STAG1: variants seen among roughly 807,000 people sequenced by gnomAD.
STAG1 encodes cohesin subunit SA-1.
In STAG1, 26 loss-of-function variants were observed where a neutral mutation model predicts 170.9. The ratio of observed to expected loss-of-function variants is 0.15; its 90% confidence interval spans 0.11 to 0.21. The LOEUF (loss-of-function observed/expected upper bound fraction) is 0.21, where lower values mean the gene tolerates loss of function less well. Ranked by LOEUF, STAG1 falls within the 10% of genes least tolerant of loss-of-function variation. STAG1 has a pLI of 1.00. For synonymous variants in STAG1, 514 were observed against 497.7 expected (o/e 1.03, Z -0.44); for missense variants, 964 against 1,509.5 (o/e 0.64, Z 5.99).
chr3:136,671,439 G>A (rs913942331), intron 1 of STAG1, among the ~76,000 whole-genome samples: 1 of 151,974 alleles, frequency 6.6e-6, no homozygotes, highest in Non-Finnish European at 1.5e-5. Flanking sequence ...CAAATACAGA[G>A]GAATAGGAAG....
intron 21 of STAG1, among the ~76,000 whole-genome samples, chr3:136,407,431 T>C (rs1488680426): frequency 6.6e-6 from 1 of 152,210 alleles, no homozygotes; most frequent in African/African-American, 2.4e-5. Context: ...ATAATACATT[T>C]CATAATATTT....
At chr3:136,661,612 A>AC (rs1025880751) in intron 1 of STAG1, among the ~76,000 whole-genome samples, 6 of 151,572 alleles carry the variant, frequency 4.0e-5, no homozygotes, top group South Asian at 2.1e-4. Flanking sequence ...ATATTCCAAA[A>AC]CCCCCCCAAC....
At chr3:136,491,057 G>C (rs1471067144) in intron 9 of STAG1, among the ~76,000 whole-genome samples, 1 of 152,008 alleles carries the variant, frequency 6.6e-6, no homozygotes, top group Admixed American at 6.6e-5. Context: ...TGAAGTTTCT[G>C]TTTAACTAAT....
chr3:136,716,389 A>G (rs1313958272), intron 1 of STAG1, among the ~76,000 whole-genome samples: 2 of 151,504 alleles, frequency 1.3e-5, no homozygotes, highest in Non-Finnish European at 2.9e-5. Context: ...TTTGAACCCT[A>G]CAGGCAGCGG....
In STAG1 at chr3:136,611,401, A is replaced by T. The variant is rs140690491; in HGVS notation, c.133-6928T>A. Among the ~76,000 whole-genome samples, 946 of 152,120 alleles carry T rather than the reference A, an allele frequency of 6.2e-3. 4 individuals carry two copies. The highest frequency in any genetic ancestry group is 0.011 in the Non-Finnish European group (746 of 67,994). On this transcript the variant is annotated intron_variant, in intron 3 of 33. Coordinates refer to ENST00000383202, the MANE Select transcript of STAG1 (RefSeq NM_005862.3). Reference sequence around the variant, plus strand: ...CGACCTCAGGTGATCCGCCCGCCTCAGCCTCCCAAAGTGCTGGGATTACAG... The same window carrying T: ...CGACCTCAGGTGATCCGCCCGCCTCTGCCTCCCAAAGTGCTGGGATTACAG...
At chr3:136,455,186 G>A (rs201091163) in intron 13 of STAG1, among the ~76,000 whole-genome samples, 13 of 152,294 alleles carry the variant, frequency 8.5e-5, no homozygotes, top group South Asian at 4.1e-4. Context: ...ATATCAGCAA[G>A]ATGGTGGAAC....
At position 136,559,075 on chromosome 3, in the gene STAG1, T is replaced by C. The variant is rs542307183; in HGVS notation, c.394+9690A>G. 7.9e-5 allele frequency among the ~76,000 whole-genome samples: 12 copies of C among 152,262 alleles called. No homozygotes were observed. In the South Asian group the frequency reaches 2.3e-3, roughly 29 times the overall value. Reference sequence around the variant, plus strand: ...CACTTTATATTCAGTCTTTTGTATATATAAGATGTCACAATTTAAAAGGAT... The same window carrying C: ...CACTTTATATTCAGTCTTTTGTATACATAAGATGTCACAATTTAAAAGGAT... On this transcript the variant is annotated intron_variant, in intron 5 of 33. Coordinates refer to ENST00000383202, the MANE Select transcript of STAG1 (RefSeq NM_005862.3).
At chr3:136,610,833 T>C (rs1355431530) in intron 3 of STAG1, among the ~76,000 whole-genome samples, 2 of 152,200 alleles carry the variant, frequency 1.3e-5, no homozygotes, top group Non-Finnish European at 1.5e-5. Context: ...TTAATGGTTA[T>C]CATGGAGAAT....
intron 13 of STAG1, among the ~76,000 whole-genome samples, chr3:136,459,705 C>T (rs1387887287): frequency 1.3e-5 from 2 of 152,060 alleles, no homozygotes; most frequent in African/African-American, 2.4e-5. Context: ...AAATCAATTA[C>T]AGAAGGAATG....
chr3:136,369,819 A>G, intron 23 of STAG1, among the ~76,000 whole-genome samples: 1 of 152,226 alleles, frequency 6.6e-6, no homozygotes, highest in East Asian at 1.9e-4. Flanking sequence ...CTGCATATAC[A>G]TGATGGTGGA....
intron 15 of STAG1, among the ~76,000 whole-genome samples, chr3:136,438,080 A>C (rs1396396961): frequency 6.6e-6 from 1 of 152,138 alleles, no homozygotes. Context: ...TTCTGCTTCT[A>C]TTACATCTTG....
At chr3:136,614,481 A>C (rs958289904) in intron 3 of STAG1, among the ~76,000 whole-genome samples, 7 of 152,206 alleles carry the variant, frequency 4.6e-5, no homozygotes, top group Non-Finnish European at 1.0e-4. Context: ...TACCTGAAAG[A>C]AAGCCTGCAG....
intron 1 of STAG1, among the ~76,000 whole-genome samples, chr3:136,664,025 T>A (rs1294636417): frequency 6.6e-6 from 1 of 152,158 alleles, no homozygotes; most frequent in Non-Finnish European, 1.5e-5. Context: ...GCATTCCAAA[T>A]GACTTAGCCA....
rs1469176981 is a variant in STAG1 at position 136,463,848 on chromosome 3, TATAA to T, written c.1313+1029_1313+1032del. Among the ~76,000 whole-genome samples, 23 of 145,996 alleles carry T rather than the reference TATAA, an allele frequency of 1.6e-4. No homozygotes were observed. In the East Asian group the frequency reaches 2.2e-3, roughly 14 times the overall value. ...TCATATATACATATATACATACATA[TATAA>T]ATATATATTTATATATACATACATA... On this transcript the variant is annotated intron_variant, in intron 13 of 33. Coordinates refer to ENST00000383202, the MANE Select transcript of STAG1 (RefSeq NM_005862.3).
intron 7 of STAG1, among the ~76,000 whole-genome samples, chr3:136,519,697 G>GA (rs968163773): frequency 2.6e-4 from 39 of 149,146 alleles, no homozygotes; most frequent in South Asian, 1.5e-3. Context: ...TGGCGAATTA[G>GA]AAAAAAAAAG....
intron 1 of STAG1, among the ~76,000 whole-genome samples, chr3:136,740,409 A>AT (rs1395033037): frequency 6.6e-6 from 1 of 152,232 alleles, no homozygotes; most frequent in East Asian, 1.9e-4. Flanking sequence ...TAACACCAAC[A>AT]TAACAATAAC....
chr3:136,647,684 T>C (rs1941080373), intron 1 of STAG1, among the ~76,000 whole-genome samples: 1 of 152,216 alleles, frequency 6.6e-6, no homozygotes, highest in Non-Finnish European at 1.5e-5. Context: ...ACTAGCTCTT[T>C]TGCTAAGTCT....
At chr3:136,350,148 AAAG>A (rs1191870659) in intron 28 of STAG1, among the ~76,000 whole-genome samples, 2 of 152,154 alleles carry the variant, frequency 1.3e-5, no homozygotes, top group Non-Finnish European at 2.9e-5. Flanking sequence ...TCAAAAAAAA[AAAG>A]AAAATCTAAT....
At chr3:136,417,309 T>C (rs1219105681) in intron 21 of STAG1, among the ~76,000 whole-genome samples, 1 of 152,252 alleles carries the variant, frequency 6.6e-6, no homozygotes, top group East Asian at 1.9e-4. Context: ...TATTTTGGTC[T>C]ACATGAATAT....
Sources: gnomAD v4.1 joint callset for allele counts (sites outside exome capture counted in the v4.1 genomes callset) on GRCh38, gnomAD v4.1.1 for gene constraint, MANE v1.5 for transcripts, NCBI Gene and HGNC (gene_info 2026-07-23, HGNC 2026-07-21) for gene names.